RIF1: variants seen among roughly 807,000 people sequenced by gnomAD.
RIF1 encodes telomere-associated protein RIF1.
RIF1 carries 45 observed loss-of-function variants against 247.1 expected under a neutral mutation model. The observed-to-expected ratio is 0.18, with a 90% CI of 0.14 to 0.23. RIF1 has a LOEUF of 0.23. Ranked by LOEUF, RIF1 falls within the 10% of genes least tolerant of loss-of-function variation. RIF1 has a pLI of 1.00. For missense variants in RIF1, 2,967 were observed against 2,862.5 expected, an observed-to-expected ratio of 1.04 and a Z score of -0.83; for synonymous variants, 1,087 against 978.8, an observed-to-expected ratio of 1.11 and a Z score of -2.06.
At chr2:151,507,039 T>TTAAGA in intron 13 of RIF1, 1 of 1,356,708 alleles carries the variant, frequency 7.4e-7, no homozygotes, top group Non-Finnish European at 1.1e-6. Context: ...AAACATCTTG[T>TTAAGA]TAAGATTTCA....
chr2:151,527,359 C>T, the RIF1 span: 1 of 843,526 alleles, frequency 1.2e-6, no homozygotes. Flanking sequence ...ATCCTCCTCT[C>T]CTTCTCGGAT....
rs1350614930 is a variant in RIF1 at position 151,463,802 on chromosome 2, A to G, written c.4282A>G (p.Thr1428Ala). 1.2e-5 allele frequency: 19 copies of G among 1,612,756 alleles called. No individual in the cohort carries two copies. Among genetic ancestry groups the G allele is most frequent in the Non-Finnish European group, 1.6e-5 (19 of 1,179,702 alleles). ...GCGACGTTCAGAAGTAGTAGAGTCT[A>G]CCACTGAAAGCCAAGATAAGGAAAA... ...SRRRSEVVES[T>A]TESQDKENSH... Residue 1428 changes from threonine (T) to alanine (A), a missense_variant, in exon 30 of 36, where the codon ACC (threonine) becomes GCC (alanine). Physicochemically the swap from Thr to Ala is moderately conservative, Grantham distance 58. Around this residue, in one of 7 missense-constraint regions of RIF1, gnomAD observed 2,028 missense variants for 1,825.6 expected, o/e 1.11. Coordinates refer to ENST00000444746, the MANE Select transcript of RIF1 (RefSeq NM_018151.5).
At chr2:151,467,364 A>T (rs1697089993) in intron 30 of RIF1, among the ~76,000 whole-genome samples, 1 of 152,074 alleles carries the variant, frequency 6.6e-6, no homozygotes, top group Non-Finnish European at 1.5e-5. Flanking sequence ...GTTTTTTGAG[A>T]TGGAGTCTTA....
chr2:151,458,840 T>G lies in RIF1; in HGVS notation c.2885T>G (p.Phe962Cys), dbSNP rs751202132. Reference sequence around the variant, plus strand: ...GTACTAACACAAGCCAAACAAAAATTTCTGCTCCTGTTGCCTGGTTTGGAA... The same window carrying G: ...GTACTAACACAAGCCAAACAAAAATGTCTGCTCCTGTTGCCTGGTTTGGAA... ...KPVLTQAKQK[F>C]LLLLPGLETV... The change falls in exon 25 of 36, where the codon TTT becomes TGT. Residue 962 changes from phenylalanine (F) to cysteine (C), a missense_variant. By Grantham distance (205) the Phe-to-Cys change is radical. This residue lies in a region of RIF1 where 2,028 missense variants were observed against 1,825.6 expected (regional missense o/e 1.11). Transcript: ENST00000444746. The G allele has an allele frequency of 1.2e-6, 2 of 1,612,760 alleles. No homozygotes were observed. The highest frequency in any genetic ancestry group is 1.1e-5 in the South Asian group (1 of 90,964).
chr2:151,491,679 AC>A (rs781004239), intron 9 of RIF1: 21 of 1,578,938 alleles, frequency 1.3e-5, no homozygotes, highest in Middle Eastern at 3.3e-4. Context: ...TTCAGCTAAC[AC>A]ACCATTAATC....
intron 6 of RIF1, among the ~76,000 whole-genome samples, chr2:151,419,546 G>A (rs375924158): frequency 3.3e-5 from 5 of 151,980 alleles, no homozygotes; most frequent in African/African-American, 4.8e-5. Context: ...GGATGGTCTC[G>A]ATCTCCTGAC....
chr2:151,436,567 C>T (rs1467943866), intron 11 of RIF1, among the ~76,000 whole-genome samples: 1 of 151,042 alleles, frequency 6.6e-6, no homozygotes, highest in African/African-American at 2.4e-5. Flanking sequence ...AAAATCTCAG[C>T]AGTTATAAAG....
At chr2:151,461,073 A>G (rs1440899297) in intron 26 of RIF1, 65 bp from the exon 27 acceptor site, 1 of 1,429,680 alleles carries the variant, frequency 7.0e-7, no homozygotes, top group Admixed American at 1.9e-5. Flanking sequence ...GAGGAGAGTG[A>G]TAGAAATATT....
intron 13 of RIF1, chr2:151,506,907 A>G: frequency 6.3e-7 from 1 of 1,578,636 alleles, no homozygotes; most frequent in Non-Finnish European, 8.7e-7. Flanking sequence ...TAGTAAATAT[A>G]CCGAGCTGAA....
At chr2:151,426,441 T>C (rs1229917030) in intron 8 of RIF1, among the ~76,000 whole-genome samples, 2 of 151,964 alleles carry the variant, frequency 1.3e-5, no homozygotes, top group Admixed American at 6.6e-5. Context: ...CCCAAAGTGC[T>C]GGCATTACAC....
chr2:151,503,403 G>T (rs924084939), intron 12 of RIF1: 1 of 1,612,632 alleles, frequency 6.2e-7, no homozygotes. Flanking sequence ...GAGTCACAGT[G>T]GTTGGAATGC....
Position 151,463,753 on chromosome 2 carries a change from G to A in RIF1, c.4233G>A (p.Gln1411=), listed in dbSNP as rs775724271. ...GTCAGGTTCAGATAACTCCAAATCA[G>A]AAAACCCTTAGACGGTCTTCAAGGC... The part of the protein sequence containing the change: ...EDSQVQITPN[Q]KTLRRSSRRR... The change falls in exon 30 of 36, where the codon CAG becomes CAA. Residue 1411 remains glutamine, a synonymous_variant. Coordinates refer to ENST00000444746, the MANE Select transcript of RIF1 (RefSeq NM_018151.5). 1.2e-6 allele frequency: 2 copies of A among 1,613,924 alleles called. No individual in the cohort carries two copies. The highest frequency in any genetic ancestry group is 2.2e-5 in the East Asian group (1 of 44,870).
At position 151,462,865 on chromosome 2, in the gene RIF1, T is replaced by C; in HGVS notation, c.3364-19T>C. 6.7e-7 allele frequency: 1 copy of C among 1,485,972 alleles called. No homozygotes were observed. Among genetic ancestry groups the C allele is most frequent in the Non-Finnish European group, 9.2e-7 (1 of 1,089,506 alleles). The allele number at this position is 1,485,972 out of a possible 1,614,324, so 92.0% of individuals were successfully genotyped here. ...TTATTAATCTGTGTGTGTATATATA[T>C]GTATATATTTCTGTGCAGGAGGAGC... On this transcript the variant is annotated intron_variant, in intron 29 of 35. Coordinates refer to ENST00000444746, the MANE Select transcript of RIF1 (RefSeq NM_018151.5).
At chr2:151,462,379 T>G in intron 28 of RIF1, 33 bp from the exon 29 acceptor site, 2 of 1,461,532 alleles carry the variant, frequency 1.4e-6, no homozygotes, top group Non-Finnish European at 1.9e-6. Flanking sequence ...CAAATAATTA[T>G]AAAAATAATA....
chr2:151,457,583 TTAA>T (rs34506477), intron 23 of RIF1, among the ~76,000 whole-genome samples, 175 bp from the exon 24 acceptor site: 9,775 of 152,198 alleles, frequency 0.064, 1,019 homozygotes, highest in African/African-American at 0.22. Context: ...AACTGTAATA[TTAA>T]TAACCAAAGC....
chr2:151,431,124 G>C (rs1016647735), intron 9 of RIF1, among the ~76,000 whole-genome samples: 2 of 152,166 alleles, frequency 1.3e-5, no homozygotes, highest in Non-Finnish European at 2.9e-5. Flanking sequence ...TTAAAAATAA[G>C]TTCAGAGCTA....
the RIF1 span, chr2:151,529,298 ACTT>A: frequency 6.2e-7 from 1 of 1,610,578 alleles, no homozygotes; most frequent in Admixed American, 1.7e-5. Flanking sequence ...TCTTTGGTAT[ACTT>A]CTTTGTATTT....
At position 151,466,016 on chromosome 2, in the gene RIF1, C is replaced by A. The variant is rs1696819402; in HGVS notation, c.6496C>A (p.Gln2166Lys). 1 of 1,613,880 alleles carries A rather than the reference C, an allele frequency of 6.2e-7. No individual in the cohort carries two copies. The highest frequency in any genetic ancestry group is 8.5e-7 in the Non-Finnish European group (1 of 1,179,858). The change falls in exon 30 of 36, where the codon CAG (glutamine) becomes AAG (lysine). Residue 2166 changes from glutamine to lysine, a missense_variant. Physicochemically the swap from Gln to Lys is moderately conservative, Grantham distance 53. Transcript: ENST00000444746. ...VSANDSPSGM[Q>K]TRCVWSPLAS... ...AGCAAATGACAGTCCTAGTGGCATG[C>A]AGACACGCTGTGTCTGGTCTCCTTT...
In RIF1 at chr2:151,461,170, G is replaced by A. The variant is rs540969989; in HGVS notation, c.3108G>A (p.Lys1036=). The A allele has an allele frequency of 7.4e-6, 12 of 1,612,280 alleles. No individual in the cohort carries two copies. Among genetic ancestry groups the A allele is most frequent in the South Asian group, 1.1e-5 (1 of 90,410 alleles). Residue 1036 remains lysine, a synonymous_variant, in exon 27 of 36, where the codon AAG becomes AAA. Coordinates refer to ENST00000444746, the MANE Select transcript of RIF1 (RefSeq NM_018151.5). The part of the protein sequence containing the change: ...LKLESSSLKV[K]GEILLEEEKS... ...TTGAATCTTCGTCTTTAAAAGTAAAGGGTGAAATTCTTTTGGAAGAGGAAA... is the reference window on the plus strand; with the variant it reads ...TTGAATCTTCGTCTTTAAAAGTAAAAGGTGAAATTCTTTTGGAAGAGGAAA...
Sources: allele counts gnomAD v4.1 joint callset (sites outside exome capture counted in the v4.1 genomes callset), GRCh38; gene constraint gnomAD v4.1.1; regional missense constraint gnomAD v4.1.1; transcripts MANE v1.5; gene names NCBI Gene and HGNC (gene_info 2026-07-23, HGNC 2026-07-21).